GRIK4: variants seen among roughly 807,000 people sequenced by gnomAD.
GRIK4 encodes the protein glutamate ionotropic receptor kainate type subunit 4, also known as glutamate receptor ionotropic, kainate 4.
In GRIK4, 40 loss-of-function variants were observed where a neutral mutation model predicts 104.9. That is an observed-to-expected ratio of 0.38 (90% CI 0.30 to 0.50). The LOEUF is 0.50. Ranked by LOEUF, GRIK4 falls within the 20% of genes least tolerant of loss-of-function variation. The pLI, the probability that GRIK4 is intolerant of heterozygous loss-of-function variation, is 0.93. For synonymous variants in GRIK4, 485 were observed against 524.9 expected (o/e 0.92, Z 1.04); for missense variants, 1,047 against 1,308.1 (o/e 0.80, Z 3.08).
intron 1 of GRIK4, among the ~76,000 whole-genome samples, chr11:120,636,569 C>T (rs766339074): frequency 6.6e-5 from 10 of 152,168 alleles, no homozygotes; most frequent in African/African-American, 1.9e-4. Flanking sequence ...TGGCCAGGCA[C>T]GGTGGCTCAC....
intron 3 of GRIK4, among the ~76,000 whole-genome samples, chr11:120,703,149 G>A (rs1034472916): frequency 1.3e-5 from 2 of 152,202 alleles, no homozygotes; most frequent in Admixed American, 1.3e-4. Flanking sequence ...CACTTGAAAT[G>A]TGACTTTTTG....
chr11:120,670,415 A>G (rs1045319099), intron 3 of GRIK4, among the ~76,000 whole-genome samples: 1 of 152,232 alleles, frequency 6.6e-6, no homozygotes, highest in African/African-American at 2.4e-5. Context: ...GCGGTCCATG[A>G]ACTGCCCTTT....
intron 3 of GRIK4, among the ~76,000 whole-genome samples, chr11:120,692,227 G>T (rs914251709): frequency 2.0e-5 from 3 of 152,210 alleles, no homozygotes; most frequent in African/African-American, 7.2e-5. Context: ...ATGATCTGGG[G>T]CAGGCCCAAG....
At chr11:120,666,614 A>G (rs1949919264) in intron 3 of GRIK4, among the ~76,000 whole-genome samples, 1 of 152,254 alleles carries the variant, frequency 6.6e-6, no homozygotes, top group South Asian at 2.1e-4. Flanking sequence ...CTATTGTTCC[A>G]TATCTGAAGT....
chr11:120,956,275 C>T lies in GRIK4; in HGVS notation c.1701-505C>T, dbSNP rs1280211710. 6.6e-6 allele frequency among the ~76,000 whole-genome samples: 1 copy of T among 151,554 alleles called. No homozygotes were observed. Among genetic ancestry groups the T allele is most frequent in the Non-Finnish European group, 1.5e-5 (1 of 67,966 alleles). Reference sequence around the variant, plus strand: ...GGAGTACAGTGGTGGGATCTTGGCTCACTGCAGCCTTTACCTCCCGGACTC... The same window carrying T: ...GGAGTACAGTGGTGGGATCTTGGCTTACTGCAGCCTTTACCTCCCGGACTC... On this transcript the variant is annotated intron_variant, in intron 15 of 20. Transcript: ENST00000527524. The surrounding 1 kb of genome is among the most constrained non-coding windows in gnomAD (Gnocchi z 4.6).
chr11:120,910,522 C>T (rs1433859916), intron 13 of GRIK4, among the ~76,000 whole-genome samples: 2 of 152,162 alleles, frequency 1.3e-5, no homozygotes, highest in African/African-American at 2.4e-5. Context: ...GCAGCTAAGC[C>T]CGCAGAAGGA....
chr11:120,897,601 CAAAAAAAAAAAA>C (rs56807699), intron 11 of GRIK4, among the ~76,000 whole-genome samples: 521 of 13,076 alleles, frequency 0.04, 35 homozygotes, highest in African/African-American at 0.091. Context: ...GACTCCTTCT[CAAAAAAAAAAAA>C]AAAAAAAAAA....
intron 14 of GRIK4, among the ~76,000 whole-genome samples, chr11:120,944,257 G>A (rs566794480): frequency 6.9e-5 from 9 of 129,940 alleles, no homozygotes; most frequent in Admixed American, 5.5e-4. Context: ...CAACTTAAAT[G>A]TCCATGGTCC....
intron 2 of GRIK4, among the ~76,000 whole-genome samples, chr11:120,657,291 A>G (rs1464746661): frequency 1.3e-5 from 2 of 152,206 alleles, no homozygotes; most frequent in Non-Finnish European, 2.9e-5. Context: ...AATCAACTTT[A>G]TCCATAATAA....
At chr11:120,614,268 C>T (rs188580556) in intron 1 of GRIK4, among the ~76,000 whole-genome samples, 6 of 152,290 alleles carry the variant, frequency 3.9e-5, no homozygotes, top group Admixed American at 3.9e-4. Flanking sequence ...TTTAAAAGTG[C>T]ACTCATTTGC....
intron 1 of GRIK4, among the ~76,000 whole-genome samples, chr11:120,580,756 A>T (rs1948571448): frequency 6.6e-6 from 1 of 151,976 alleles, no homozygotes; most frequent in Non-Finnish European, 1.5e-5. Flanking sequence ...ATTGATGTGA[A>T]CCTAAGTTTT....
chr11:120,511,982 G>T, intron 1 of GRIK4, 95 bp downstream of exon 1: 1 of 83,712 alleles, frequency 1.2e-5, no homozygotes, highest in South Asian at 3.9e-4. Flanking sequence ...CCCGCACCCC[G>T]ACTTCTGACG....
intron 3 of GRIK4, among the ~76,000 whole-genome samples, chr11:120,680,299 A>C (rs1164394253): frequency 1.3e-5 from 2 of 152,098 alleles, no homozygotes; most frequent in Admixed American, 6.6e-5. Flanking sequence ...GCTGGTCTCA[A>C]GCTCCTGATC....
intron 12 of GRIK4, among the ~76,000 whole-genome samples, chr11:120,904,078 C>G (rs1470066770): frequency 6.6e-6 from 1 of 152,180 alleles, no homozygotes; most frequent in Non-Finnish European, 1.5e-5. Context: ...CAGGTTCTCC[C>G]CAGGGCCTCT....
intron 1 of GRIK4, among the ~76,000 whole-genome samples, chr11:120,652,130 G>T (rs182600561): frequency 1.3e-5 from 2 of 152,176 alleles, no homozygotes; most frequent in Admixed American, 1.3e-4. Flanking sequence ...TATCTGCTTC[G>T]CAGGGTTCTC....
chr11:120,586,659 A>G (rs997312588), intron 1 of GRIK4, among the ~76,000 whole-genome samples: 1 of 152,066 alleles, frequency 6.6e-6, no homozygotes, highest in Non-Finnish European at 1.5e-5. Context: ...AGAGGTGACA[A>G]TGGGACATTC....
chr11:120,608,685 C>T (rs961792771), intron 1 of GRIK4, among the ~76,000 whole-genome samples: 4 of 152,188 alleles, frequency 2.6e-5, no homozygotes, highest in South Asian at 2.1e-4. Context: ...TTTTTAACTA[C>T]GGTGCAAACA....
intron 3 of GRIK4, among the ~76,000 whole-genome samples, chr11:120,668,270 AAG>A (rs1949955493): frequency 6.6e-6 from 1 of 151,766 alleles, no homozygotes; most frequent in Non-Finnish European, 1.5e-5. Flanking sequence ...ATAAGAAAGA[AAG>A]AAAAAAGAGA....
intron 11 of GRIK4, among the ~76,000 whole-genome samples, chr11:120,882,230 G>A (rs146727690): frequency 6.6e-6 from 1 of 152,302 alleles, no homozygotes; most frequent in East Asian, 1.9e-4. Context: ...GGCTCAGACA[G>A]GTTGAGGGGG....
Sources: allele counts gnomAD v4.1 joint callset (sites outside exome capture counted in the v4.1 genomes callset), GRCh38; gene constraint gnomAD v4.1.1; non-coding constraint Gnocchi (gnomAD v3.1); transcripts MANE v1.5; gene names NCBI Gene and HGNC (gene_info 2026-07-23, HGNC 2026-07-21).